Variants in IL18BP observed in about 807,000 individuals in gnomAD.
The protein encoded by IL18BP is interleukin-18-binding protein.
IL18BP carries 23 observed loss-of-function variants against 19.9 expected under a neutral mutation model. The observed-to-expected ratio is 1.15, with a 90% CI of 0.83 to 1.64. The LOEUF is 1.64. Ranked by LOEUF, IL18BP falls within the 40% of genes most tolerant of loss-of-function variation. The pLI, the probability that IL18BP is intolerant of heterozygous loss-of-function variation, is 0.00. For synonymous variants in IL18BP, 107 were observed against 101.0 expected, an observed-to-expected ratio of 1.06 and a Z score of -0.35; for missense variants, 239 against 240.7, an observed-to-expected ratio of 0.99 and a Z score of 0.05.
At chr11:72,005,118 T>TC (rs890955453), downstream of IL18BP, 2 of 1,198,654 alleles carry the variant, frequency 1.7e-6, no homozygotes, top group African/African-American at 3.1e-5. Flanking sequence ...AAGGTCACCC[T>TC]CCCCCTCCTC....
intron 2 of IL18BP, 140 bp downstream of exon 2, chr11:72,000,152 G>A: frequency 1.0e-6 from 1 of 971,562 alleles, no homozygotes; most frequent in Non-Finnish European, 1.6e-6. Context: ...AACCTGGGCA[G>A]ATATTGTAGC....
downstream of IL18BP, chr11:72,004,378 G>C: frequency 6.4e-7 from 1 of 1,571,588 alleles, no homozygotes; most frequent in Non-Finnish European, 8.7e-7. Context: ...ACAGTAGCAA[G>C]AGGAGTCACA....
At chr11:72,003,583 TA>T, downstream of IL18BP, 1 of 1,613,102 alleles carries the variant, frequency 6.2e-7, no homozygotes, top group Non-Finnish European at 8.5e-7. Flanking sequence ...CTTGCGATAC[TA>T]GCCTGCACCC....
chr11:72,000,581 T>C, intron 3 of IL18BP, 24 bp downstream of exon 3: 1 of 1,593,398 alleles, frequency 6.3e-7, no homozygotes, highest in Non-Finnish European at 8.5e-7. Context: ...TGGTGGAGGG[T>C]GGGCTATGGG....
At chr11:72,005,668 G>A (rs1159475756), downstream of IL18BP, 2 of 501,908 alleles carry the variant, frequency 4.0e-6, no homozygotes, top group African/African-American at 4.0e-5. Flanking sequence ...TAAGGACCGG[G>A]AATTAATTCC....
At chr11:72,005,144 C>T, downstream of IL18BP, 2 of 1,387,128 alleles carry the variant, frequency 1.4e-6, no homozygotes, top group Non-Finnish European at 1.9e-6. Context: ...GTCAGTGATC[C>T]AGGGCCCTAG....
downstream of IL18BP, chr11:72,005,237 G>T: frequency 6.3e-7 from 1 of 1,594,546 alleles, no homozygotes; most frequent in Non-Finnish European, 8.5e-7. Context: ...CCTCACCCTG[G>T]ACTCCAGGGG....
chr11:72,004,086 T>C, downstream of IL18BP: 1 of 1,613,038 alleles, frequency 6.2e-7, no homozygotes, highest in Non-Finnish European at 8.5e-7. Context: ...GGCCATCGAC[T>C]GGCGCCGGTC....
At chr11:72,005,657 T>C (rs544033685), downstream of IL18BP, 9 of 504,618 alleles carry the variant, frequency 1.8e-5, no homozygotes, top group South Asian at 2.2e-4. Context: ...GAGGAACAAA[T>C]TAAGGACCGG....
downstream of IL18BP, chr11:72,004,940 G>C (rs748343562): frequency 9.9e-7 from 1 of 1,012,788 alleles, no homozygotes; most frequent in Admixed American, 3.1e-5. Flanking sequence ...GCCTCACGAG[G>C]TAGAAAGACA....
chr11:72,007,735 T>C, downstream of IL18BP: 1 of 445,550 alleles, frequency 2.2e-6, no homozygotes, highest in Non-Finnish European at 4.1e-6. Flanking sequence ...CCCACTTCTC[T>C]GTTCTTCCTC....
intron 1 of IL18BP, 152 bp from the exon 2 acceptor site, chr11:71,999,775 A>C: frequency 6.8e-6 from 4 of 586,726 alleles, no homozygotes; most frequent in Non-Finnish European, 1.2e-5. Context: ...TGGGGTGGGG[A>C]AGGATTGTCA....
chr11:72,001,104 C>G (rs914505129), intron 3 of IL18BP, 97 bp from the exon 4 acceptor site: 6 of 1,465,642 alleles, frequency 4.1e-6, no homozygotes, highest in Non-Finnish European at 4.7e-6. Context: ...GTTCCAGATG[C>G]ATGGGGACTG....
intron 1 of IL18BP, chr11:71,999,568 C>T (rs1005429465): frequency 4.9e-5 from 11 of 225,884 alleles, no homozygotes; most frequent in Admixed American, 2.1e-4. Flanking sequence ...AATAGAGGGT[C>T]GGGGCAGTGC....
At chr11:72,000,690 C>A in intron 3 of IL18BP, 133 bp downstream of exon 3, 1 of 707,408 alleles carries the variant, frequency 1.4e-6, no homozygotes, top group Non-Finnish European at 2.4e-6. Context: ...CACCATTCTC[C>A]CTCCCCAACC....
downstream of IL18BP, chr11:72,005,174 G>A (rs1955603615): frequency 6.6e-7 from 1 of 1,504,822 alleles, no homozygotes; most frequent in Admixed American, 2.3e-5. Context: ...TAGATCAGCA[G>A]GTGGGATTCC....
chr11:72,007,043 G>A (rs1590864187), downstream of IL18BP: 7 of 925,178 alleles, frequency 7.6e-6, no homozygotes, highest in South Asian at 3.4e-5. Flanking sequence ...CCAAGTCACT[G>A]CCCTTTTTAA....
At chr11:72,007,420 G>T (rs1955810184), downstream of IL18BP, 1 of 1,613,434 alleles carries the variant, frequency 6.2e-7, no homozygotes, top group East Asian at 2.2e-5. Context: ...CGTCTGGCTG[G>T]GTACGAGGCA....
downstream of IL18BP, chr11:72,007,470 C>T (rs569183274): frequency 6.2e-7 from 1 of 1,608,986 alleles, no homozygotes; most frequent in Non-Finnish European, 8.5e-7. Flanking sequence ...TACAGTCCTT[C>T]ACGCTAGAAG....
Sources: allele counts gnomAD v4.1 joint callset, GRCh38; gene constraint gnomAD v4.1.1; transcripts MANE v1.5; gene names NCBI Gene and HGNC (gene_info 2026-07-23, HGNC 2026-07-21).